The following SEMA5B variants were observed in gnomAD, a reference collection of about 807,000 sequenced individuals.
The protein encoded by SEMA5B is semaphorin-5B.
In SEMA5B, 66 loss-of-function variants were observed where a neutral mutation model predicts 135.0. The ratio of observed to expected loss-of-function variants is 0.49; its 90% CI spans 0.40 to 0.60. The LOEUF is 0.60. Ranked by LOEUF, SEMA5B falls within the 20% of genes least tolerant of loss-of-function variation. The pLI is 0.00. For missense variants in SEMA5B, 1,501 were observed against 1,566.3 expected, an observed-to-expected ratio of 0.96 and a Z score of 0.70; for synonymous variants, 690 against 639.5, an observed-to-expected ratio of 1.08 and a Z score of -1.19.
chr3:122,986,593 T>TTGTGTGTGTG lies in SEMA5B; in HGVS notation c.-38-25302_-38-25293dup, dbSNP rs145873533. 6.2e-3 allele frequency among the ~76,000 whole-genome samples: 895 copies of TTGTGTGTGTG among 144,378 alleles called. 5 individuals are homozygous for TTGTGTGTGTG. The highest frequency in any genetic ancestry group is 0.043 in the East Asian group (208 of 4,792). 94.7% of individuals were successfully genotyped at this position (144,378 alleles called of 152,430 possible). ...GAGATGAGGCAGGCCCAGAGCATAT[T>TTGTGTGTGTG]TGTGTGTGTGTGTGTGTGTGTGTGT... is the stretch of plus-strand genomic sequence containing the variant. On this transcript the variant is annotated intron_variant, in intron 1 of 22. Transcript: ENST00000357599.
intron 3 of SEMA5B, among the ~76,000 whole-genome samples, chr3:122,948,257 G>A (rs958719127): frequency 6.6e-6 from 1 of 152,132 alleles, no homozygotes; most frequent in Non-Finnish European, 1.5e-5. Context: ...CCTTACCCCA[G>A]GTTGGCATGC....
chr3:122,947,902 T>G (rs1440033460), intron 3 of SEMA5B, among the ~76,000 whole-genome samples: 2 of 116,812 alleles, frequency 1.7e-5, no homozygotes, highest in African/African-American at 7.0e-5. Flanking sequence ...TTTTGTTTTG[T>G]TTTTTTTTAG....
chr3:123,014,723 T>A (rs891136322), intron 1 of SEMA5B, among the ~76,000 whole-genome samples: 1 of 152,124 alleles, frequency 6.6e-6, no homozygotes, highest in African/African-American at 2.4e-5. Flanking sequence ...AATATCTTCA[T>A]CAGCTGGAAA....
Position 122,922,024 on chromosome 3 carries a change from G to C in SEMA5B, c.1579C>G (p.Pro527Ala), listed in dbSNP as rs1466939522. ...TGCAGGATGCGCAGGCTGCGCAGGG[G>C]CTCGCGGCGCCCGGGGGGCAGCACG... Reference protein sequence around the residue: ...LHVLPPGRREPLRSLRILHSA... With the variant: ...LHVLPPGRREALRSLRILHSA... Residue 527 changes from proline to alanine, a missense_variant, in exon 12 of 23, where the codon CCC (proline) becomes GCC (alanine). By Grantham distance (27) the Pro-to-Ala change is conservative. Around this residue, in one of 2 missense-constraint regions of SEMA5B, gnomAD observed 927 missense variants for 881.6 expected, o/e 1.05. Transcript: ENST00000357599. The C allele has an allele frequency of 1.3e-6, 2 of 1,505,994 alleles. No homozygotes were observed. Among genetic ancestry groups the C allele is most frequent in the Admixed American group, 4.6e-5 (2 of 43,956 alleles). The allele number at this position is 1,505,994 out of a possible 1,614,324, so 93.3% of individuals were successfully genotyped here.
chr3:122,986,433 A>C (rs535352174), intron 1 of SEMA5B, among the ~76,000 whole-genome samples: 1 of 152,368 alleles, frequency 6.6e-6, no homozygotes, highest in South Asian at 2.1e-4. Context: ...AAAGTTGCAT[A>C]CAAATTTTCA....
In SEMA5B at chr3:123,026,508, T is replaced by A. The variant is rs529765276; in HGVS notation, c.-39+956A>T. 2.6e-4 allele frequency among the ~76,000 whole-genome samples: 39 copies of A among 152,138 alleles called. No individual in the cohort carries two copies. The South Asian group carries it at 8.1e-3, about 32-fold the overall frequency. On this transcript the variant is annotated intron_variant, in intron 1 of 22. Coordinates refer to ENST00000357599, the MANE Select transcript of SEMA5B (RefSeq NM_001031702.4). ...GCTGCAGGTGATCCTCCTCCTTGTT[T>A]AAAGTTTGCGGTGGGCAAAGGAGTC...
At chr3:122,963,334 TAACA>T (rs763709286) in intron 1 of SEMA5B, among the ~76,000 whole-genome samples, 28 of 152,122 alleles carry the variant, frequency 1.8e-4, no homozygotes, top group East Asian at 1.7e-3. Context: ...CCATCTCTAC[TAACA>T]AACAAGTTAC....
At chr3:123,028,218 C>T (rs1942854523), upstream of SEMA5B, among the ~76,000 whole-genome samples, 1 of 152,228 alleles carries the variant, frequency 6.6e-6, no homozygotes, top group African/African-American at 2.4e-5. Flanking sequence ...CCAGCCCCGT[C>T]AGTTCGGAAC....
chr3:123,005,403 C>T (rs1942284884), intron 1 of SEMA5B, among the ~76,000 whole-genome samples: 1 of 152,042 alleles, frequency 6.6e-6, no homozygotes, highest in South Asian at 2.1e-4. Flanking sequence ...GCTCTGTTGC[C>T]CAGACTGGAG....
intron 12 of SEMA5B, among the ~76,000 whole-genome samples, chr3:122,916,917 A>T (rs1938102313): frequency 6.6e-6 from 1 of 152,206 alleles, no homozygotes; most frequent in African/African-American, 2.4e-5. Flanking sequence ...TCACACACTG[A>T]TGCATGCCCC....
chr3:122,912,907 G>T lies in SEMA5B; in HGVS notation c.2661C>A (p.Asn887Lys), dbSNP rs1200961266. 2 of 1,611,688 alleles carry T rather than the reference G, an allele frequency of 1.2e-6. No individual in the cohort carries two copies. The highest frequency in any genetic ancestry group is 1.7e-6 in the Non-Finnish European group (2 of 1,179,048). ...CATCGCCCACGCAGGGCAGGCCCCC[G>T]TTGCGGGGCTCCGGGTTAGTGCACG... ...KRTCTNPEPRNGGLPCVGDAA... is the reference protein window; with the variant it reads ...KRTCTNPEPRKGGLPCVGDAA... The change falls in exon 18 of 23, where the codon AAC (asparagine) becomes AAA (lysine). Residue 887 changes from asparagine to lysine, a missense_variant. Asn to Lys is a moderately conservative substitution (Grantham distance 94). Coordinates refer to ENST00000357599, the MANE Select transcript of SEMA5B (RefSeq NM_001031702.4).
intron 2 of SEMA5B, among the ~76,000 whole-genome samples, chr3:122,957,790 G>T (rs1940397573): frequency 6.6e-6 from 1 of 152,208 alleles, no homozygotes; most frequent in African/African-American, 2.4e-5. Context: ...GCGACTGTCT[G>T]CTGCATAAGC....
intron 1 of SEMA5B, among the ~76,000 whole-genome samples, chr3:123,016,413 A>G (rs1399093430): frequency 6.6e-6 from 1 of 152,204 alleles, no homozygotes; most frequent in African/African-American, 2.4e-5. Flanking sequence ...CCTATAACCT[A>G]CACACATCCT....
rs377180710 is a variant in SEMA5B at position 122,970,320 on chromosome 3, G to A, written c.-38-9019C>T. Among the ~76,000 whole-genome samples, 8 of 152,330 alleles carry A rather than the reference G, an allele frequency of 5.3e-5. No homozygotes were observed. The East Asian group carries it at 7.7e-4, about 15-fold the overall frequency. On this transcript the variant is annotated intron_variant, in intron 1 of 22. Coordinates refer to ENST00000357599, the MANE Select transcript of SEMA5B (RefSeq NM_001031702.4). Reference sequence around the variant, plus strand: ...TCTGACAACTGGATTGCAGTCTCCAGCCTCGTGGTTCTCACACTAATGTGC... The same window carrying A: ...TCTGACAACTGGATTGCAGTCTCCAACCTCGTGGTTCTCACACTAATGTGC...
At position 122,988,070 on chromosome 3, in the gene SEMA5B, C is replaced by T. The variant is rs183427990; in HGVS notation, c.-38-26769G>A. Among the ~76,000 whole-genome samples, 382 of 152,262 alleles carry T rather than the reference C, an allele frequency of 2.5e-3. 1 individual carries two copies. Among genetic ancestry groups the T allele is most frequent in the African/African-American group, 8.9e-3 (368 of 41,548 alleles). ...GCATCAGAACCACCCAGAAGCCATGCAGAAACCCTGGCTGCTGGCCCCCAG... is the reference window on the plus strand; with the variant it reads ...GCATCAGAACCACCCAGAAGCCATGTAGAAACCCTGGCTGCTGGCCCCCAG... On this transcript the variant is annotated intron_variant, in intron 1 of 22. Transcript: ENST00000357599.
At position 122,915,446 on chromosome 3, in the gene SEMA5B, C is replaced by T. The variant is rs1260668846; in HGVS notation, c.1982G>A (p.Cys661Tyr). 1.9e-6 allele frequency: 3 copies of T among 1,609,568 alleles called. No individual in the cohort carries two copies. The highest frequency in any genetic ancestry group is 2.5e-6 in the Non-Finnish European group (3 of 1,177,498). ...CLGPAIHIAN[C>Y]SRNGAWTPWS... ...AAACCCTGTCCTCACATACCTGGAG[C>T]AGTTGGCGATGTGGATGGCTGGCCC... Residue 661 changes from cysteine (C) to tyrosine (Y), a missense_variant, in exon 14 of 23, where the codon TGC becomes TAC. Cys to Tyr is a radical substitution (Grantham distance 194, BLOSUM62 -2). Around this residue, in one of 2 missense-constraint regions of SEMA5B, gnomAD observed 927 missense variants for 881.6 expected, o/e 1.05. Coordinates refer to ENST00000357599, the MANE Select transcript of SEMA5B (RefSeq NM_001031702.4).
At chr3:122,991,335 A>G (rs1420049896) in intron 1 of SEMA5B, among the ~76,000 whole-genome samples, 2 of 152,198 alleles carry the variant, frequency 1.3e-5, no homozygotes, top group African/African-American at 4.8e-5. Context: ...ACCAAAGGCC[A>G]CATGAGGGCC....
intron 5 of SEMA5B, among the ~76,000 whole-genome samples, chr3:122,939,184 C>T (rs1050672333): frequency 3.9e-5 from 6 of 152,250 alleles, no homozygotes; most frequent in Admixed American, 2.6e-4. Flanking sequence ...TTAGCAGCCT[C>T]GCTGCATGAT....
chr3:123,002,959 A>G (rs1205726836), intron 1 of SEMA5B, among the ~76,000 whole-genome samples: 1 of 152,194 alleles, frequency 6.6e-6, no homozygotes, highest in Non-Finnish European at 1.5e-5. Flanking sequence ...CACTACAAAA[A>G]AAATTACTAG....
Sources: allele counts gnomAD v4.1 joint callset (sites outside exome capture counted in the v4.1 genomes callset), GRCh38; gene constraint gnomAD v4.1.1; regional missense constraint gnomAD v4.1.1; transcripts MANE v1.5; gene names NCBI Gene and HGNC (gene_info 2026-07-23, HGNC 2026-07-21).